The following SEC31B variants were observed in gnomAD, a reference collection of about 807,000 sequenced individuals.
The protein encoded by SEC31B is protein transport protein Sec31B.
SEC31B carries 113 observed loss-of-function variants against 135.0 expected under a neutral mutation model. The observed-to-expected ratio is 0.84, with a 90% CI of 0.72 to 0.98. The LOEUF is 0.98. SEC31B is among the 50% of genes least tolerant of loss of function. The pLI is 0.00. For missense variants in SEC31B, 1,296 were observed against 1,421.1 expected (o/e 0.91, Z 1.42); for synonymous variants, 508 against 549.4 (o/e 0.92, Z 1.05).
At chr10:100,509,196 C>G (rs182947487) in intron 4 of SEC31B, 94 bp from the exon 5 acceptor site, 62 of 1,506,604 alleles carry the variant, frequency 4.1e-5, no homozygotes, top group Admixed American at 3.6e-4. Flanking sequence ...CTATCAAAAG[C>G]CTCCCCTGAA....
intron 14 of SEC31B, chr10:100,498,408 A>G (rs1249753753): frequency 1.6e-6 from 1 of 624,364 alleles, no homozygotes; most frequent in Non-Finnish European, 2.8e-6. Flanking sequence ...CAAGGGAGGG[A>G]ACTGATGTGG....
chr10:100,494,587 T>A (rs1851367691), intron 19 of SEC31B, among the ~76,000 whole-genome samples: 1 of 152,228 alleles, frequency 6.6e-6, no homozygotes, highest in African/African-American at 2.4e-5. Context: ...TTCGGCTTAC[T>A]CTTGCTTCAG....
chr10:100,488,446 G>A lies in SEC31B; in HGVS notation c.3289-348C>T, dbSNP rs527467664. Among the ~76,000 whole-genome samples the A allele has an allele frequency of 3.0e-3, 381 of 128,326 alleles. 2 individuals carry two copies. Among genetic ancestry groups the A allele is most frequent in the African/African-American group, 0.011 (354 of 32,388 alleles). The allele number at this position is 128,326 out of a possible 152,430, so 84.2% of individuals were successfully genotyped here. A position where few individuals can be genotyped will look rare whatever the true frequency, so the allele number is the denominator to read the frequency against. On this transcript the variant is annotated intron_variant, in intron 24 of 25. Transcript: ENST00000370345. ...TGCACTCCAGCCTGGGCGACAAAGC[G>A]AGACTCCATCTCAAAAAAAAAAAAA...
chr10:100,491,694 G>A (rs536764756), intron 19 of SEC31B, among the ~76,000 whole-genome samples: 52 of 152,274 alleles, frequency 3.4e-4, no homozygotes, highest in African/African-American at 1.1e-3. Flanking sequence ...ATTCAACACC[G>A]ATTCATGATC....
chr10:100,487,831 A>T (rs1383527825), intron 25 of SEC31B, 36 bp from the exon 26 acceptor site: 2 of 1,610,272 alleles, frequency 1.2e-6, no homozygotes, highest in African/African-American at 1.3e-5. Context: ...AGTGAGCCCA[A>T]CCCAGCTCCT....
chr10:100,509,379 A>C lies in SEC31B; in HGVS notation c.336T>G (p.Pro112=). Residue 112 remains proline, a synonymous_variant, in exon 4 of 26, where the codon CCT becomes CCG. Coordinates refer to ENST00000370345, the MANE Select transcript of SEC31B (RefSeq NM_015490.4). The part of the protein sequence containing the change: ...VTHILSSGKE[P]VIAQKQKHTG... Reference sequence around the variant, plus strand: ...TGTGCTTCTGTTTCTGAGCAATCACAGGCTCCTTCCCCGAAGACAGGATGT... The same window carrying C: ...TGTGCTTCTGTTTCTGAGCAATCACCGGCTCCTTCCCCGAAGACAGGATGT... 6.2e-7 allele frequency: 1 copy of C among 1,614,160 alleles called. No individual in the cohort carries two copies. Among genetic ancestry groups the C allele is most frequent in the Non-Finnish European group, 8.5e-7 (1 of 1,180,016 alleles).
At position 100,503,026 on chromosome 10, in the gene SEC31B, G is replaced by C. The variant is rs80311928; in HGVS notation, c.1180-542C>G. ...TGTGGTTTCACAAGGCCACAGGAAAGAGCTTAAGCTCCCCTTCCTGCAGTG... is the reference window on the plus strand; with the variant it reads ...TGTGGTTTCACAAGGCCACAGGAAACAGCTTAAGCTCCCCTTCCTGCAGTG... On this transcript the variant is annotated intron_variant, in intron 10 of 25. Coordinates refer to ENST00000370345, the MANE Select transcript of SEC31B (RefSeq NM_015490.4). Among the ~76,000 whole-genome samples, 139 of 152,262 alleles carry C rather than the reference G, an allele frequency of 9.1e-4. 1 individual carries two copies. The highest frequency in any genetic ancestry group is 3.3e-3 in the African/African-American group (138 of 41,534).
In SEC31B at chr10:100,493,994, C is replaced by CAAGGGAGGGAAGAAAGGGAGGGAGGA. The variant is rs1554841082; in HGVS notation, c.2472+1365_2472+1390dup. Among the ~76,000 whole-genome samples, 1,239 of 125,710 alleles carry CAAGGGAGGGAAGAAAGGGAGGGAGGA rather than the reference C, an allele frequency of 9.9e-3. 28 individuals carry two copies. The highest frequency in any genetic ancestry group is 0.037 in the African/African-American group (1,154 of 31,152). The allele number at this position is 125,710 out of a possible 152,430, so 82.5% of individuals were successfully genotyped here. A position where few individuals can be genotyped will look rare whatever the true frequency, so the allele number is the denominator to read the frequency against. On this transcript the variant is annotated intron_variant, in intron 19 of 25. Coordinates refer to ENST00000370345, the MANE Select transcript of SEC31B (RefSeq NM_015490.4). ...AGGAGGGGAAGGGGAAAAGGGGAGA[C>CAAGGGAGGGAAGAAAGGGAGGGAGGA]AAGGGAGGGAAGAAAGGGAGGGAGG...
At chr10:100,512,680 G>A (rs563028945) in intron 3 of SEC31B, among the ~76,000 whole-genome samples, 1 of 152,242 alleles carries the variant, frequency 6.6e-6, no homozygotes, top group African/African-American at 2.4e-5. Context: ...AGAGCAGGCA[G>A]AGAATGGGGA....
At chr10:100,505,879 T>C in intron 9 of SEC31B, 161 bp downstream of exon 9, 3 of 1,503,668 alleles carry the variant, frequency 2.0e-6, no homozygotes, top group Non-Finnish European at 1.8e-6. Flanking sequence ...GAAACTAACA[T>C]CCTTTCAGGA....
At chr10:100,489,884 C>T in intron 21 of SEC31B, 123 bp from the exon 22 acceptor site, 2 of 1,546,084 alleles carry the variant, frequency 1.3e-6, no homozygotes, top group South Asian at 2.5e-5. Flanking sequence ...AGACCATCTA[C>T]ACTCCCAGCC....
chr10:100,519,180 G>A (rs1451020519), intron 1 of SEC31B, among the ~76,000 whole-genome samples: 1 of 152,220 alleles, frequency 6.6e-6, no homozygotes, highest in Non-Finnish European at 1.5e-5. Flanking sequence ...ACCCTAGAAA[G>A]TGTTTTAATC....
chr10:100,489,046 T>C, intron 23 of SEC31B, 72 bp from the exon 24 acceptor site: 1 of 1,537,132 alleles, frequency 6.5e-7, no homozygotes, highest in Non-Finnish European at 8.7e-7. Flanking sequence ...TAAGGACTAG[T>C]CCCCAGTGAC....
In SEC31B at chr10:100,490,645, G is replaced by A. The variant is rs555272566; in HGVS notation, c.2650+61C>T. 10 of 1,451,630 alleles carry A rather than the reference G, an allele frequency of 6.9e-6. No individual in the cohort carries two copies. In the South Asian group the frequency reaches 1.5e-4, roughly 22 times the overall value. The allele number at this position is 1,451,630 out of a possible 1,614,324, so 89.9% of individuals were successfully genotyped here. On this transcript the variant is annotated intron_variant, in intron 20 of 25. Coordinates refer to ENST00000370345, the MANE Select transcript of SEC31B (RefSeq NM_015490.4). ...AGCTTCCCAAATCCATGCTGGCCAT[G>A]CCAATTGCTTTCCTGAGACCTCTGT...
At position 100,506,030 on chromosome 10, in the gene SEC31B, C is replaced by A. The variant is rs776189106; in HGVS notation, c.1044+10G>T. Reference sequence around the variant, plus strand: ...CTTCCCTCCAGCATTCTCTACCAAGCCCTTCAAACCTTGTCAGCCTGTCTC... The same window carrying A: ...CTTCCCTCCAGCATTCTCTACCAAGACCTTCAAACCTTGTCAGCCTGTCTC... On this transcript the variant is annotated intron_variant, in intron 9 of 25. Coordinates refer to ENST00000370345, the MANE Select transcript of SEC31B (RefSeq NM_015490.4). The A allele has an allele frequency of 6.2e-7, 1 of 1,613,304 alleles. No individual in the cohort carries two copies. Among genetic ancestry groups the A allele is most frequent in the Non-Finnish European group, 8.5e-7 (1 of 1,180,024 alleles).
intron 22 of SEC31B, 114 bp from the exon 23 acceptor site, chr10:100,489,512 C>G (rs1851257954): frequency 1.4e-6 from 2 of 1,413,514 alleles, no homozygotes; most frequent in Non-Finnish European, 9.7e-7. Context: ...GTGTGGGAAA[C>G]TGGGAAGTGA....
In SEC31B at chr10:100,507,903, C is replaced by G; in HGVS notation, c.639+5G>C. The G allele has an allele frequency of 5.0e-6, 8 of 1,614,206 alleles. No homozygotes were observed. The South Asian group carries it at 8.8e-5, about 18-fold the overall frequency. On this transcript the variant is annotated splice_donor_5th_base_variant and intron_variant, in intron 6 of 25. Transcript: ENST00000370345. ...CAAGCCTGTGTTCTGGCCTCCAATA[C>G]TCACCCTGTTGCTGTGATCACTGAC...
intron 24 of SEC31B, 58 bp downstream of exon 24, chr10:100,488,800 G>T: frequency 6.6e-7 from 1 of 1,511,400 alleles, no homozygotes; most frequent in African/African-American, 1.4e-5. Context: ...CACAGCTGAG[G>T]GGTCCTGGAG....
chr10:100,489,480 G>A (rs1313159289), intron 22 of SEC31B, 82 bp from the exon 23 acceptor site: 1 of 1,520,108 alleles, frequency 6.6e-7, no homozygotes, highest in African/African-American at 1.4e-5. Flanking sequence ...GAATGACAGT[G>A]AACAAGGAGA....
Sources: allele counts gnomAD v4.1 joint callset (sites outside exome capture counted in the v4.1 genomes callset), GRCh38; gene constraint gnomAD v4.1.1; transcripts MANE v1.5; gene names NCBI Gene and HGNC (gene_info 2026-07-23, HGNC 2026-07-21).